Variants in DIPK2A observed in about 807,000 individuals in gnomAD.
DIPK2A encodes the protein divergent protein kinase domain 2A.
A neutral mutation model predicts 39.0 loss-of-function variants in DIPK2A; 27 were observed. The observed-to-expected ratio is 0.69, with a 90% confidence interval of 0.51 to 0.96. The LOEUF (loss-of-function observed/expected upper bound fraction) is 0.96, where lower values mean the gene tolerates loss of function less well. Ranked by LOEUF, DIPK2A falls within the 40% of genes least tolerant of loss-of-function variation. DIPK2A has a pLI of 0.00. For missense variants in DIPK2A, 528 were observed against 571.3 expected, an observed-to-expected ratio of 0.92 and a Z score of 0.77; for synonymous variants, 298 against 240.8, an observed-to-expected ratio of 1.24 and a Z score of -2.20.
At position 143,989,886 on chromosome 3, in the gene DIPK2A, C is replaced by T. The variant is rs534733199; in HGVS notation, c.*45C>T. 6.9e-7 allele frequency: 1 copy of T among 1,443,982 alleles called. No homozygotes were observed. The highest frequency in any genetic ancestry group is 1.3e-5 in the South Asian group (1 of 78,916). 89.4% of individuals were successfully genotyped at this position (1,443,982 alleles called of 1,614,324 possible). ...TTTTTCTCCATTTAAACAGCACTGG[C>T]TAAAACTAAACCACCAAAAAACGAT... On this transcript the variant is annotated 3_prime_UTR_variant, in exon 3 of 3. Transcript: ENST00000315691.
chr3:143,974,660 T>C (rs896579608), intron 1 of DIPK2A, among the ~76,000 whole-genome samples: 4 of 152,236 alleles, frequency 2.6e-5, no homozygotes, highest in Non-Finnish European at 5.9e-5. Context: ...CTTAGTAATA[T>C]ACATTTACTG....
At chr3:143,974,527 C>G (rs2087703371) in intron 1 of DIPK2A, among the ~76,000 whole-genome samples, 1 of 152,180 alleles carries the variant, frequency 6.6e-6, no homozygotes, top group African/African-American at 2.4e-5. Context: ...TCTCATTAAG[C>G]TATCTTTAAA....
At position 143,972,293 on chromosome 3, in the gene DIPK2A, G is replaced by C. The variant is rs2087661083; in HGVS notation, c.-40G>C. On this transcript the variant is annotated 5_prime_UTR_variant, in exon 1 of 3. Transcript: ENST00000315691. ...GGTCTTGGCGCGGCGGGGGCGCCCC[G>C]GGGGTGCCCTCGCCCTCCCGTTGCG... is the stretch of plus-strand genomic sequence containing the variant. The C allele has an allele frequency of 7.5e-7, 1 of 1,342,208 alleles. No homozygotes were observed. Among genetic ancestry groups the C allele is most frequent in the South Asian group, 2.0e-5 (1 of 50,566 alleles). The allele number at this position is 1,342,208 out of a possible 1,614,324, so 83.1% of individuals were successfully genotyped here. A position where few individuals can be genotyped will look rare whatever the true frequency, so the allele number is the denominator to read the frequency against.
chr3:143,982,349 G>T (rs1372235818), intron 1 of DIPK2A, among the ~76,000 whole-genome samples: 1 of 152,146 alleles, frequency 6.6e-6, no homozygotes, highest in Non-Finnish European at 1.5e-5. Context: ...GTCTGGAATT[G>T]TTACTTAAAA....
chr3:143,971,931 T>A lies in DIPK2A; in HGVS notation c.-402T>A, dbSNP rs1479203003. 1 of 190,524 alleles carries A rather than the reference T, an allele frequency of 5.2e-6. No homozygotes were observed. The highest frequency in any genetic ancestry group is 1.1e-5 in the Non-Finnish European group (1 of 93,938). The allele number at this position is 190,524 out of a possible 1,614,324, so 11.8% of individuals were successfully genotyped here. Reference sequence around the variant, plus strand: ...CCCTCCTTTCCTCGCAGACCCCACTTGTCGTGGCTGGCTGCCGCCGCAGCT... The same window carrying A: ...CCCTCCTTTCCTCGCAGACCCCACTAGTCGTGGCTGGCTGCCGCCGCAGCT... On this transcript the variant is annotated 5_prime_UTR_variant, in exon 1 of 3. Coordinates refer to ENST00000315691, the MANE Select transcript of DIPK2A (RefSeq NM_173552.5).
At chr3:143,978,626 A>AGATATATATATATCTATC (rs1559854107) in intron 1 of DIPK2A, 1 of 33,938 alleles carries the variant, frequency 2.9e-5, no homozygotes, top group Non-Finnish European at 4.8e-5. Flanking sequence ...CTATATCTAT[A>AGATATATATATATCTATC]TATATATATA....
chr3:143,974,169 T>C (rs536469031), intron 1 of DIPK2A, among the ~76,000 whole-genome samples: 1 of 152,056 alleles, frequency 6.6e-6, no homozygotes, highest in Admixed American at 6.5e-5. Flanking sequence ...AAAGTGCAGA[T>C]TTCTTTATAT....
At chr3:143,985,448 C>A in intron 1 of DIPK2A, 95 bp from the exon 2 acceptor site, 1 of 1,072,200 alleles carries the variant, frequency 9.3e-7, no homozygotes, top group Non-Finnish European at 1.4e-6. Flanking sequence ...AATCCAAAGT[C>A]ATTCCTAGTA....
intron 1 of DIPK2A, among the ~76,000 whole-genome samples, chr3:143,974,328 G>A (rs2087700781): frequency 6.6e-6 from 1 of 152,122 alleles, no homozygotes; most frequent in Admixed American, 6.5e-5. Context: ...GACATCAGAG[G>A]CTATGTGTAT....
At chr3:143,988,496 G>C (rs2087937123) in intron 2 of DIPK2A, among the ~76,000 whole-genome samples, 1 of 152,090 alleles carries the variant, frequency 6.6e-6, no homozygotes, top group African/African-American at 2.4e-5. Context: ...TTTCCTGAAT[G>C]AATCGGCCCA....
Position 143,990,612 on chromosome 3 carries a change from T to A in DIPK2A, c.*771T>A, listed in dbSNP as rs991350160. 2 of 152,598 alleles carry A rather than the reference T, an allele frequency of 1.3e-5. No homozygotes were observed. The highest frequency in any genetic ancestry group is 2.9e-5 in the Non-Finnish European group (2 of 67,996). 9.5% of individuals were successfully genotyped at this position (152,598 alleles called of 1,614,324 possible). A position where few individuals can be genotyped will look rare whatever the true frequency, so the allele number is the denominator to read the frequency against. ...TGGCATATGTTGCAAAATGTCATTT[T>A]ATCTTTTCTAAAGGCTTTAAGAAGA... On this transcript the variant is annotated 3_prime_UTR_variant, in exon 3 of 3. Transcript: ENST00000315691.
chr3:143,992,361 G>A lies in DIPK2A; in HGVS notation c.*2520G>A, dbSNP rs1425834294. The A allele has an allele frequency of 6.6e-6, 1 of 152,476 alleles. No individual in the cohort carries two copies. The highest frequency in any genetic ancestry group is 2.4e-5 in the African/African-American group (1 of 41,378). 9.4% of individuals were successfully genotyped at this position (152,476 alleles called of 1,614,324 possible). Reference sequence around the variant, plus strand: ...ATGATCTTAATAAAGAATACTTTAAGAATCACACTTTTCAGACTATTTCTT... The same window carrying A: ...ATGATCTTAATAAAGAATACTTTAAAAATCACACTTTTCAGACTATTTCTT... On this transcript the variant is annotated 3_prime_UTR_variant, in exon 3 of 3. Coordinates refer to ENST00000315691, the MANE Select transcript of DIPK2A (RefSeq NM_173552.5).
chr3:143,981,667 GCAAAAA>G (rs894373901), intron 1 of DIPK2A, among the ~76,000 whole-genome samples: 54 of 151,836 alleles, frequency 3.6e-4, no homozygotes, highest in African/African-American at 1.0e-3. Flanking sequence ...TGATAAATAA[GCAAAAA>G]CAAAAACAGA....
intron 1 of DIPK2A, among the ~76,000 whole-genome samples, chr3:143,983,819 G>C (rs1019310300): frequency 2.0e-5 from 3 of 151,622 alleles, no homozygotes; most frequent in African/African-American, 7.3e-5. Context: ...AATACAAACT[G>C]TTTTGTATTG....
At position 143,972,018 on chromosome 3, in the gene DIPK2A, C is replaced by T; in HGVS notation, c.-315C>T. 3.2e-6 allele frequency: 1 copy of T among 313,980 alleles called. No individual in the cohort carries two copies. The highest frequency in any genetic ancestry group is 5.8e-6 in the Non-Finnish European group (1 of 171,906). 19.4% of individuals were successfully genotyped at this position (313,980 alleles called of 1,614,324 possible). A position where few individuals can be genotyped will look rare whatever the true frequency, so the allele number is the denominator to read the frequency against. On this transcript the variant is annotated 5_prime_UTR_variant, in exon 1 of 3. Transcript: ENST00000315691. The stretch of plus-strand genomic sequence containing the variant: ...CGGGCGCGCGACCGTCGGGTCCCCG[C>T]GCTCCCTCCCCCTCCCGCTCCTCTA...
rs1444620109 is a variant in DIPK2A at position 143,973,419 on chromosome 3, C to G, written c.657+430C>G. 2.6e-5 allele frequency: 40 copies of G among 1,550,400 alleles called. No individual in the cohort carries two copies. The South Asian group carries it at 4.7e-4, about 18-fold the overall frequency. ...CTTCTGAAGTGTTCTACACCGCGTT[C>G]GCTCTTCCTTTTCTGGCGCTGGTGG... On this transcript the variant is annotated intron_variant, in intron 1 of 2. Transcript: ENST00000315691.
chr3:143,975,141 T>C (rs1297979373), intron 1 of DIPK2A, among the ~76,000 whole-genome samples: 1 of 152,122 alleles, frequency 6.6e-6, no homozygotes, highest in African/African-American at 2.4e-5. Context: ...TGATGAAACA[T>C]GTCTCCACGT....
chr3:143,985,704 G>T lies in DIPK2A; in HGVS notation c.819G>T (p.Gln273His). 1 of 1,614,180 alleles carries T rather than the reference G, an allele frequency of 6.2e-7. No individual in the cohort carries two copies. Among genetic ancestry groups the T allele is most frequent in the Non-Finnish European group, 8.5e-7 (1 of 1,180,024 alleles). ...GGCAATTAATGGAAATAGCAGAACA[G>T]CTTACAAACAATGACTTTGAATTTG... ...LAWQLMEIAEQLTNNDFEFAL... is the reference protein window; with the variant it reads ...LAWQLMEIAEHLTNNDFEFAL... Residue 273 changes from glutamine to histidine, a missense_variant, in exon 2 of 3, where the codon CAG becomes CAT. Gln to His is a conservative substitution (Grantham distance 24, BLOSUM62 0). This residue lies in a region of DIPK2A where 219 missense variants were observed against 281.5 expected (regional missense o/e 0.78). Transcript: ENST00000315691.
intron 1 of DIPK2A, among the ~76,000 whole-genome samples, chr3:143,983,842 C>T (rs1431308721): frequency 6.9e-6 from 1 of 144,348 alleles, no homozygotes; most frequent in Non-Finnish European, 1.5e-5. Flanking sequence ...AAGGCTGTTT[C>T]ATCTACATTT....
Sources: allele counts gnomAD v4.1 joint callset (sites outside exome capture counted in the v4.1 genomes callset), GRCh38; gene constraint gnomAD v4.1.1; regional missense constraint gnomAD v4.1.1; transcripts MANE v1.5; gene names NCBI Gene and HGNC (gene_info 2026-07-23, HGNC 2026-07-21).